RNLS: variants seen among roughly 807,000 people sequenced by gnomAD.
RNLS encodes the protein renalase.
A neutral mutation model predicts 39.8 loss-of-function variants in RNLS; 39 were observed. That is an observed-to-expected ratio of 0.98 (90% confidence interval 0.76 to 1.28). The LOEUF is 1.28. RNLS is among the 50% of genes most tolerant of loss of function. RNLS has a pLI of 0.00. For synonymous variants in RNLS, 147 were observed against 150.7 expected (o/e 0.98, Z 0.18); for missense variants, 410 against 413.3 (o/e 0.99, Z 0.07).
intron 4 of RNLS, among the ~76,000 whole-genome samples, chr10:88,520,449 G>A (rs905211560): frequency 2.6e-5 from 4 of 151,984 alleles, no homozygotes; most frequent in African/African-American, 9.7e-5. Context: ...TCATAGACAT[G>A]CCCAAACGTG....
chr10:88,365,194 T>G (rs1849965958), intron 4 of RNLS, among the ~76,000 whole-genome samples: 1 of 152,084 alleles, frequency 6.6e-6, no homozygotes, highest in Non-Finnish European at 1.5e-5. Context: ...GTGAGACTTC[T>G]GACTGAAACA....
chr10:88,426,053 A>G (rs1854733867), intron 4 of RNLS, among the ~76,000 whole-genome samples: 1 of 152,094 alleles, frequency 6.6e-6, no homozygotes, highest in South Asian at 2.1e-4. Flanking sequence ...GAGGGCTAGA[A>G]TAGTATACTT....
At chr10:88,393,070 C>A (rs1852309920) in intron 4 of RNLS, among the ~76,000 whole-genome samples, 1 of 152,098 alleles carries the variant, frequency 6.6e-6, no homozygotes, top group Admixed American at 6.6e-5. Context: ...TTATGACAAA[C>A]CCACAGCCAA....
At chr10:88,360,516 C>T (rs1849558623) in intron 5 of RNLS, among the ~76,000 whole-genome samples, 1 of 152,298 alleles carries the variant, frequency 6.6e-6, no homozygotes, top group East Asian at 1.9e-4. Context: ...CTCACTGCAA[C>T]CTCTGCCTCC....
intron 4 of RNLS, among the ~76,000 whole-genome samples, chr10:88,479,793 C>CTTTTTTTTTTTTT (rs11293313): frequency 2.2e-5 from 3 of 139,326 alleles, no homozygotes; most frequent in Non-Finnish European, 3.1e-5. Flanking sequence ...TTCTTTTTTT[C>CTTTTTTTTTTTTT]TTTTTTTTTT....
chr10:88,201,581 G>A, the RNLS span, among the ~76,000 whole-genome samples: 1 of 152,042 alleles, frequency 6.6e-6, no homozygotes. Flanking sequence ...AAGCCATCCA[G>A]AATCTCAGAA....
At chr10:88,190,415 C>T in the RNLS span, among the ~76,000 whole-genome samples, 2 of 152,278 alleles carry the variant, frequency 1.3e-5, no homozygotes, top group African/African-American at 4.8e-5. Context: ...GAAATAGTTA[C>T]AGGACATGGC....
downstream of RNLS, among the ~76,000 whole-genome samples, chr10:88,281,272 G>C (rs1392585799): frequency 2.6e-5 from 4 of 152,144 alleles, no homozygotes; most frequent in Non-Finnish European, 5.9e-5. Flanking sequence ...AAGTCAGCCA[G>C]GTCAACCCAG....
the RNLS span, among the ~76,000 whole-genome samples, chr10:88,188,486 T>G: frequency 6.6e-6 from 1 of 152,244 alleles, no homozygotes; most frequent in Admixed American, 6.5e-5. Flanking sequence ...ACAAGCAGAC[T>G]ATTATACTAC....
intron 4 of RNLS, among the ~76,000 whole-genome samples, chr10:88,465,781 A>G (rs1181143724): frequency 6.6e-6 from 1 of 152,092 alleles, no homozygotes; most frequent in African/African-American, 2.4e-5. Context: ...CACAATCTTT[A>G]TATGTCATAA....
intron 5 of RNLS, among the ~76,000 whole-genome samples, chr10:88,351,763 G>A (rs958782066): frequency 1.3e-5 from 2 of 152,084 alleles, no homozygotes; most frequent in Non-Finnish European, 2.9e-5. Flanking sequence ...AGCTTGATGG[G>A]GATGGCATTG....
chr10:88,489,473 G>A (rs551390994), intron 4 of RNLS, among the ~76,000 whole-genome samples: 1 of 152,186 alleles, frequency 6.6e-6, no homozygotes, highest in African/African-American at 2.4e-5. Flanking sequence ...CCACAGCTCT[G>A]TGTGATGAGG....
intron 4 of RNLS, among the ~76,000 whole-genome samples, chr10:88,501,318 C>T (rs1323158960): frequency 1.3e-5 from 2 of 152,036 alleles, no homozygotes; most frequent in Admixed American, 1.3e-4. Context: ...GTGATACTAC[C>T]TATATCTCAT....
chr10:88,526,581 A>G (rs1248144205), intron 4 of RNLS, among the ~76,000 whole-genome samples: 3 of 151,778 alleles, frequency 2.0e-5, no homozygotes, highest in African/African-American at 7.3e-5. Context: ...TGGGCAACAT[A>G]GGGAGGCCCT....
intron 4 of RNLS, among the ~76,000 whole-genome samples, chr10:88,514,911 A>AT (rs1476052899): frequency 6.6e-6 from 1 of 152,092 alleles, no homozygotes; most frequent in Non-Finnish European, 1.5e-5. Context: ...GCGGGATTGG[A>AT]TTGCTAGATC....
chr10:88,374,374 ATAATT>A (rs1783043119), intron 4 of RNLS, among the ~76,000 whole-genome samples: 1 of 152,152 alleles, frequency 6.6e-6, no homozygotes, highest in East Asian at 1.9e-4. Context: ...TAGTTAGTAT[ATAATT>A]TAATGCAATT....
chr10:88,488,741 C>T (rs1176481902), intron 4 of RNLS, among the ~76,000 whole-genome samples: 1 of 152,074 alleles, frequency 6.6e-6, no homozygotes, highest in Non-Finnish European at 1.5e-5. Context: ...TCCGTGATTA[C>T]AGTCACAGCA....
At chr10:88,213,507 G>A in the RNLS span, among the ~76,000 whole-genome samples, 1 of 151,968 alleles carries the variant, frequency 6.6e-6, no homozygotes, top group East Asian at 1.9e-4. Context: ...AAGTGGTCCC[G>A]TGCTTTTTCT....
Position 88,285,229 on chromosome 10 carries a change from A to T in RNLS, c.*125T>A. ...ATTGATTTTATACTCCACATGAAAA[A>T]TGATAATAAGTGAAGAACAATTTTC... On this transcript the variant is annotated 3_prime_UTR_variant, in exon 7 of 7. Coordinates refer to ENST00000331772, the MANE Select transcript of RNLS (RefSeq NM_001031709.3). 1 of 1,387,708 alleles carries T rather than the reference A, an allele frequency of 7.2e-7. No individual in the cohort carries two copies. Among genetic ancestry groups the T allele is most frequent in the South Asian group, 1.8e-5 (1 of 55,156 alleles). The allele number at this position is 1,387,708 out of a possible 1,614,324, so 86.0% of individuals were successfully genotyped here.
Sources: allele counts gnomAD v4.1 joint callset (sites outside exome capture counted in the v4.1 genomes callset), GRCh38; gene constraint gnomAD v4.1.1; transcripts MANE v1.5; gene names NCBI Gene and HGNC (gene_info 2026-07-23, HGNC 2026-07-21).